The following ATP8A2 variants were observed in gnomAD, a reference collection of about 807,000 sequenced individuals.
ATP8A2 encodes phospholipid-transporting ATPase IB.
ATP8A2 carries 100 observed loss-of-function variants against 165.6 expected under a neutral mutation model. The ratio of observed to expected loss-of-function variants is 0.60; its 90% CI spans 0.51 to 0.71. The LOEUF is 0.71. Among genes scored for constraint, ATP8A2 ranks in the 30% least tolerant of loss-of-function variants. ATP8A2 has a pLI of 0.00. For missense variants in ATP8A2, 1,227 were observed against 1,479.5 expected, an observed-to-expected ratio of 0.83 and a Z score of 2.80; for synonymous variants, 543 against 548.8, an observed-to-expected ratio of 0.99 and a Z score of 0.15.
At chr13:25,811,906 G>A (rs1950881688) in intron 27 of ATP8A2, among the ~76,000 whole-genome samples, 1 of 152,220 alleles carries the variant, frequency 6.6e-6, no homozygotes, top group African/African-American at 2.4e-5. Context: ...TCATATCTCT[G>A]AATATGTGTG....
chr13:25,660,197 T>C (rs1405042656), intron 24 of ATP8A2, among the ~76,000 whole-genome samples: 1 of 152,198 alleles, frequency 6.6e-6, no homozygotes, highest in Non-Finnish European at 1.5e-5. Context: ...ATTTTATATT[T>C]GAATGCCTCC....
intron 27 of ATP8A2, among the ~76,000 whole-genome samples, chr13:25,791,637 AAAGTGG>A (rs1415115679): frequency 6.6e-6 from 1 of 151,806 alleles, no homozygotes; most frequent in Non-Finnish European, 1.5e-5. Context: ...ACTCCATGCG[AAAGTGG>A]TTTCTCTCCT....
intron 1 of ATP8A2, among the ~76,000 whole-genome samples, chr13:25,395,892 G>T (rs1218530417): frequency 2.6e-5 from 4 of 151,808 alleles, no homozygotes; most frequent in Non-Finnish European, 4.4e-5. Context: ...TCCCCAGGCT[G>T]GAGTGCAGTG....
chr13:25,747,080 T>C (rs775044336), intron 25 of ATP8A2, among the ~76,000 whole-genome samples: 4 of 152,316 alleles, frequency 2.6e-5, no homozygotes, highest in Non-Finnish European at 5.9e-5. Flanking sequence ...GTTTTTAAAT[T>C]ATTTTCTAAG....
In ATP8A2 at chr13:25,699,314, G is replaced by A. The variant is rs1435163235; in HGVS notation, c.2353G>A (p.Ala785Thr). 1.2e-6 allele frequency: 2 copies of A among 1,613,258 alleles called. No individual in the cohort carries two copies. The highest frequency in any genetic ancestry group is 1.7e-6 in the Non-Finnish European group (2 of 1,179,578). Residue 785 changes from alanine to threonine, a missense_variant, in exon 25 of 37, where the codon GCA becomes ACA. By Grantham distance (58) the Ala-to-Thr change is moderately conservative. Transcript: ENST00000381655. Reference sequence around the variant, plus strand: ...AGTCCGGAGGAGTTTCCTGGATTTGGCACTCTCGTGCAAAGCGGTCATATG... The same window carrying A: ...AGTCCGGAGGAGTTTCCTGGATTTGACACTCTCGTGCAAAGCGGTCATATG... ...FEVRRSFLDL[A>T]LSCKAVICCR... is the part of the protein sequence containing the mutation.
intron 33 of ATP8A2, among the ~76,000 whole-genome samples, chr13:25,886,640 A>T (rs1417406338): frequency 6.6e-6 from 1 of 152,226 alleles, no homozygotes; most frequent in African/African-American, 2.4e-5. Flanking sequence ...CGTGGGGCAG[A>T]GCATCTCCCA....
intron 2 of ATP8A2, among the ~76,000 whole-genome samples, chr13:25,486,472 A>AT (rs904598469): frequency 2.0e-5 from 3 of 152,186 alleles, no homozygotes; most frequent in African/African-American, 7.2e-5. Flanking sequence ...ATTATGTGCC[A>AT]TTTTTTTGAA....
chr13:25,706,872 T>G (rs2043064112), intron 25 of ATP8A2, among the ~76,000 whole-genome samples: 1 of 152,060 alleles, frequency 6.6e-6, no homozygotes, highest in African/African-American at 2.4e-5. Context: ...TTTAGATAGG[T>G]TTTTTTAAAT....
chr13:25,731,355 A>AAG (rs199754824), intron 25 of ATP8A2, among the ~76,000 whole-genome samples: 58 of 129,552 alleles, frequency 4.5e-4, no homozygotes, highest in East Asian at 3.9e-3. Flanking sequence ...GAAAGAAGGA[A>AAG]AGAGAGAGAG....
intron 25 of ATP8A2, among the ~76,000 whole-genome samples, chr13:25,720,263 G>T (rs9511889): frequency 0.16 from 23,366 of 147,232 alleles, 1,963 homozygotes; most frequent in South Asian, 0.19. Context: ...CACCTCCCAG[G>T]TTCATGCCAT....
At chr13:25,469,183 C>T (rs1293998244) in intron 2 of ATP8A2, 62 bp downstream of exon 2, 27 of 1,578,928 alleles carry the variant, frequency 1.7e-5, no homozygotes, top group Non-Finnish European at 2.3e-5. Flanking sequence ...AGGGGCTCGT[C>T]CTCCTGCGCG....
At chr13:25,668,502 A>T (rs1323603469) in intron 24 of ATP8A2, among the ~76,000 whole-genome samples, 1 of 152,142 alleles carries the variant, frequency 6.6e-6, no homozygotes, top group Non-Finnish European at 1.5e-5. Context: ...ATGTCTCAAC[A>T]TAGATCTCTT....
At chr13:25,987,253 A>G (rs934686763) in intron 35 of ATP8A2, among the ~76,000 whole-genome samples, 9 of 152,228 alleles carry the variant, frequency 5.9e-5, no homozygotes, top group African/African-American at 2.2e-4. Context: ...TACCAAGAGT[A>G]AGGTAATTTA....
At chr13:25,873,919 A>C (rs1367143749) in intron 33 of ATP8A2, 1 of 153,058 alleles carries the variant, frequency 6.5e-6, no homozygotes, top group Non-Finnish European at 1.5e-5. Flanking sequence ...GAGCCACCGC[A>C]CCCAGCCTTT....
chr13:25,827,682 A>G (rs1951355495), intron 27 of ATP8A2, among the ~76,000 whole-genome samples: 1 of 152,240 alleles, frequency 6.6e-6, no homozygotes, highest in African/African-American at 2.4e-5. Flanking sequence ...AACTCAGAAC[A>G]CACAGAACAG....
intron 25 of ATP8A2, among the ~76,000 whole-genome samples, chr13:25,712,353 GC>G (rs150802224): frequency 0.064 from 9,761 of 152,152 alleles, 966 homozygotes; most frequent in African/African-American, 0.21. Flanking sequence ...AGTTAGTGCT[GC>G]TGCCCACTAG....
rs543297393 is a variant in ATP8A2 at position 25,437,778 on chromosome 13, A to G, written c.77-31199A>G. On this transcript the variant is annotated intron_variant, in intron 1 of 36. Transcript: ENST00000381655. Reference sequence around the variant, plus strand: ...TCCTGCTTTATCTGAAGTCTAAAGAATAGGTAGGGAGAAAGGGTGAGAGCA... The same window carrying G: ...TCCTGCTTTATCTGAAGTCTAAAGAGTAGGTAGGGAGAAAGGGTGAGAGCA... Among the ~76,000 whole-genome samples, 4 of 152,316 alleles carry G rather than the reference A, an allele frequency of 2.6e-5. No homozygotes were observed. The South Asian group carries it at 6.2e-4, about 24-fold the overall frequency.
At chr13:25,522,982 A>AG (rs1201681093) in intron 2 of ATP8A2, among the ~76,000 whole-genome samples, 2 of 152,024 alleles carry the variant, frequency 1.3e-5, no homozygotes, top group African/African-American at 4.8e-5. Context: ...AGAGATAGCC[A>AG]GGGGTAGTGG....
At chr13:25,575,107 C>T (rs1273373628) in intron 19 of ATP8A2, among the ~76,000 whole-genome samples, 1 of 152,176 alleles carries the variant, frequency 6.6e-6, no homozygotes, top group Non-Finnish European at 1.5e-5. Context: ...CTTTAGATTT[C>T]CAGAGCCTGA....
Sources: allele counts gnomAD v4.1 joint callset (sites outside exome capture counted in the v4.1 genomes callset), GRCh38; gene constraint gnomAD v4.1.1; transcripts MANE v1.5; gene names NCBI Gene and HGNC (gene_info 2026-07-23, HGNC 2026-07-21).